The following CDKL5 variants were observed in gnomAD, a reference collection of about 807,000 sequenced individuals.
The protein encoded by CDKL5 is cyclin dependent kinase like 5, also known as cyclin-dependent kinase-like 5.
A neutral mutation model predicts 61.7 loss-of-function variants in CDKL5; 8 were observed. The observed-to-expected ratio is 0.13, with a 90% CI of 0.08 to 0.23. CDKL5 has a LOEUF of 0.23. Ranked by LOEUF, CDKL5 falls within the 10% of genes least tolerant of loss-of-function variation. The probability of loss-of-function intolerance (pLI) is 1.00; values close to 1 mark genes in which losing one functional copy is unlikely to be tolerated. For synonymous variants in CDKL5, 275 were observed against 272.3 expected, an observed-to-expected ratio of 1.01 and a Z score of -0.10; for missense variants, 440 against 734.5, an observed-to-expected ratio of 0.60 and a Z score of 4.63.
downstream of CDKL5, chrX:18,642,265 T>G: frequency 4.1e-5 from 35 of 854,360 alleles, no homozygotes; most frequent in Non-Finnish European, 5.4e-5. Context: ...GATTAGGAAG[T>G]AGTTAAAGCA....
chrX:18,593,164 T>G (rs1162523155), intron 9 of CDKL5, among the ~76,000 whole-genome samples: 5 of 112,126 alleles, frequency 4.5e-5, no homozygotes, highest in African/African-American at 1.6e-4. Flanking sequence ...CATTGGATTG[T>G]ATTGGATTGG....
intron 21 of CDKL5, chrX:18,653,376 C>T: frequency 3.3e-6 from 4 of 1,194,847 alleles, no homozygotes; most frequent in Non-Finnish European, 4.5e-6. Context: ...CCAGAGTGCA[C>T]CTGCTAGCGC....
Position 18,631,990 on chromosome X carries a change from C to CTAACCACTTGATGCCAGT in CDKL5, c.*3233_*3234insTAACCACTTGATGCCAGT. 1.7e-6 allele frequency: 1 copy of CTAACCACTTGATGCCAGT among 585,641 alleles called. No individual in the cohort carries two copies. The highest frequency in any genetic ancestry group is 2.1e-6 in the Non-Finnish European group (1 of 485,313). The allele number at this position is 585,641 out of a possible 1,213,427, so 48.3% of individuals were successfully genotyped here. On this transcript the variant is annotated 3_prime_UTR_variant, in exon 18 of 18. Coordinates refer to ENST00000623535, the MANE Select transcript of CDKL5 (RefSeq NM_001323289.2). ...GGAGGTGATGGTATGCTACTGGCAT[C>CTAACCACTTGATGCCAGT]AAGTGGTTAGAGGCCACAGATGCTA...
chrX:18,554,314 C>T (rs1238813218), intron 3 of CDKL5, among the ~76,000 whole-genome samples: 84 of 106,078 alleles, frequency 7.9e-4, no homozygotes, highest in African/African-American at 2.7e-3. Flanking sequence ...GGTGGGACTC[C>T]GCTAAATTGT....
At chrX:18,641,899 G>T, downstream of CDKL5, 3 of 905,229 alleles carry the variant, frequency 3.3e-6, no homozygotes, top group Non-Finnish European at 4.8e-6. Flanking sequence ...AGTTACAATT[G>T]CTTTGCGAAA....
intron 9 of CDKL5, among the ~76,000 whole-genome samples, chrX:18,594,379 A>C (rs1925923165): frequency 8.9e-6 from 1 of 112,004 alleles, no homozygotes; most frequent in Non-Finnish European, 1.9e-5. Context: ...CCCTCATTTT[A>C]TTTAAAAATG....
intron 1 of CDKL5, among the ~76,000 whole-genome samples, chrX:18,447,382 A>G (rs1359783996): frequency 9.0e-6 from 1 of 111,060 alleles, no homozygotes; most frequent in East Asian, 2.8e-4. Flanking sequence ...CTAGCTACCT[A>G]ACTTCTCCCC....
intron 3 of CDKL5, among the ~76,000 whole-genome samples, chrX:18,522,699 AT>A (rs908625039): frequency 1.3e-4 from 14 of 107,775 alleles, no homozygotes; most frequent in African/African-American, 3.4e-4. Context: ...TTTTTTAAAG[AT>A]TTTTTTAAGC....
intron 15 of CDKL5, among the ~76,000 whole-genome samples, chrX:18,617,029 C>T (rs923340978): frequency 9.0e-6 from 1 of 111,477 alleles, no homozygotes; most frequent in South Asian, 3.8e-4. Flanking sequence ...AGATCAGATT[C>T]GTTCTTTTAT....
chrX:18,507,273 G>A (rs1490189029), intron 2 of CDKL5, 113 bp downstream of exon 2: 10 of 524,770 alleles, frequency 1.9e-5, no homozygotes, highest in East Asian at 1.0e-4. Flanking sequence ...CAATTCACAT[G>A]TGTGTCTAAG....
At chrX:18,578,863 T>C in intron 5 of CDKL5, among the ~76,000 whole-genome samples, 1 of 112,344 alleles carries the variant, frequency 8.9e-6, no homozygotes, top group Middle Eastern at 4.6e-3. Flanking sequence ...TCATCAAAGA[T>C]GTCCTTAACT....
At chrX:18,588,352 T>C (rs1359680524) in intron 9 of CDKL5, 1 of 348,076 alleles carries the variant, frequency 2.9e-6, no homozygotes, top group Non-Finnish European at 4.9e-6. Context: ...TCTAATCTTT[T>C]TTCTAATTTT....
intron 1 of CDKL5, among the ~76,000 whole-genome samples, chrX:18,453,965 A>T (rs939751453): frequency 1.8e-5 from 2 of 111,735 alleles, no homozygotes; most frequent in Admixed American, 1.9e-4. Flanking sequence ...TTGGCTTTTT[A>T]AAGTGTTTTG....
chrX:18,484,398 A>T (rs891614090), intron 1 of CDKL5, among the ~76,000 whole-genome samples: 2 of 109,999 alleles, frequency 1.8e-5, no homozygotes, highest in African/African-American at 6.6e-5. Context: ...GCTCGCTGTA[A>T]CCTCTGCCTC....
At chrX:18,494,177 A>T (rs1344850683) in intron 1 of CDKL5, among the ~76,000 whole-genome samples, 1 of 111,428 alleles carries the variant, frequency 9.0e-6, no homozygotes, top group Admixed American at 9.5e-5. Context: ...CAGCGTCCCA[A>T]AGTGGTGGGA....
intron 6 of CDKL5, among the ~76,000 whole-genome samples, chrX:18,581,294 C>T (rs1569214205): frequency 8.9e-6 from 1 of 111,995 alleles, no homozygotes; most frequent in East Asian, 2.8e-4. Flanking sequence ...TTAACTCCCA[C>T]CACATCTTCA....
At chrX:18,651,393 C>T (rs12387901) in intron 21 of CDKL5, among the ~76,000 whole-genome samples, 18 of 110,549 alleles carry the variant, frequency 1.6e-4, no homozygotes, top group African/African-American at 5.3e-4. Context: ...CAGGAATTAG[C>T]GCATTGCCCA....
intron 20 of CDKL5, among the ~76,000 whole-genome samples, chrX:18,648,958 G>C (rs1156812558): frequency 1.9e-5 from 2 of 107,547 alleles, no homozygotes; most frequent in Admixed American, 1.0e-4. Context: ...TGAGGGAGGA[G>C]GATTGCTTGA....
At chrX:18,475,070 T>C (rs1260131597) in intron 1 of CDKL5, among the ~76,000 whole-genome samples, 1 of 106,896 alleles carries the variant, frequency 9.4e-6, no homozygotes, top group Non-Finnish European at 1.9e-5. Context: ...AATTCTCTCC[T>C]GCCTCAGCCT....
Sources: gnomAD v4.1 joint callset for allele counts (sites outside exome capture counted in the v4.1 genomes callset) on GRCh38, gnomAD v4.1.1 for gene constraint, MANE v1.5 for transcripts, NCBI Gene and HGNC (gene_info 2026-07-23, HGNC 2026-07-21) for gene names.